Variants in GPHN observed in about 807,000 individuals in gnomAD.
GPHN encodes the protein gephyrin.
In GPHN, 17 loss-of-function variants were observed where a neutral mutation model predicts 95.5. That is an observed-to-expected ratio of 0.18 (90% CI 0.12 to 0.27). The LOEUF (loss-of-function observed/expected upper bound fraction) is 0.27, where lower values mean the gene tolerates loss of function less well. Ranked by LOEUF, GPHN falls within the 10% of genes least tolerant of loss-of-function variation. The probability of loss-of-function intolerance (pLI) is 1.00; values close to 1 mark genes in which losing one functional copy is unlikely to be tolerated. For synonymous variants in GPHN, 320 were observed against 322.5 expected (o/e 0.99, Z 0.08); for missense variants, 660 against 978.1 (o/e 0.67, Z 4.34).
the GPHN span, among the ~76,000 whole-genome samples, chr14:67,460,024 T>C: frequency 2.6e-5 from 4 of 152,348 alleles, no homozygotes; most frequent in South Asian, 6.2e-4. Flanking sequence ...AGCAAGTATG[T>C]TGTCTATTTT....
Position 67,138,685 on chromosome 14 carries a change from G to A in GPHN, c.1749-4677G>A, listed in dbSNP as rs191598572. 1.8e-4 allele frequency among the ~76,000 whole-genome samples: 28 copies of A among 152,164 alleles called. No individual in the cohort carries two copies. In the East Asian group the frequency reaches 5.0e-3, roughly 27 times the overall value. Reference sequence around the variant, plus strand: ...GAAATGTTTTATAATTTAAAATATAGCATGAATCATAAAAAAGAAAGCAAA... The same window carrying A: ...GAAATGTTTTATAATTTAAAATATAACATGAATCATAAAAAAGAAAGCAAA... On this transcript the variant is annotated intron_variant, in intron 17 of 22. Coordinates refer to ENST00000478722, the MANE Select transcript of GPHN (RefSeq NM_020806.5).
chr14:66,644,429 A>G (rs776478507), intron 1 of GPHN, among the ~76,000 whole-genome samples: 18 of 152,074 alleles, frequency 1.2e-4, no homozygotes, highest in East Asian at 7.7e-4. Context: ...ACCTTTATCT[A>G]TGCCACCCAC....
intron 10 of GPHN, among the ~76,000 whole-genome samples, chr14:67,052,431 G>A (rs904162413): frequency 4.0e-5 from 6 of 151,852 alleles, no homozygotes; most frequent in Middle Eastern, 3.2e-3. Flanking sequence ...AAATATACAG[G>A]AGGACCTAGA....
intron 5 of GPHN, among the ~76,000 whole-genome samples, chr14:66,881,059 A>G (rs190061718): frequency 6.6e-6 from 1 of 152,100 alleles, no homozygotes; most frequent in East Asian, 1.9e-4. Flanking sequence ...TCCATTGACT[A>G]TTATGGAATA....
At chr14:67,729,128 A>G in the GPHN span, 1 of 1,524,482 alleles carries the variant, frequency 6.6e-7, no homozygotes, top group East Asian at 2.2e-5. Flanking sequence ...TTGCTGCAGG[A>G]GATAAGCTGT....
At chr14:66,957,989 G>T (rs2068646296) in intron 8 of GPHN, among the ~76,000 whole-genome samples, 1 of 152,108 alleles carries the variant, frequency 6.6e-6, no homozygotes, top group South Asian at 2.1e-4. Context: ...CCAACCCCCA[G>T]TCCGTAGAAA....
chr14:67,569,284 G>T, the GPHN span: 1 of 1,154,830 alleles, frequency 8.7e-7, no homozygotes. Flanking sequence ...GCGGGGAGGA[G>T]AAGACTCCAA....
intron 1 of GPHN, among the ~76,000 whole-genome samples, chr14:66,535,151 T>C (rs963421686): frequency 5.9e-5 from 9 of 152,130 alleles, no homozygotes; most frequent in African/African-American, 2.2e-4. Context: ...TCAAATTATC[T>C]TATAATGAAT....
At chr14:67,361,191 CA>C in the GPHN span, among the ~76,000 whole-genome samples, 4 of 152,206 alleles carry the variant, frequency 2.6e-5, no homozygotes, top group African/African-American at 9.7e-5. Context: ...TCTTTATCCT[CA>C]AAACTTAGGC....
intron 9 of GPHN, among the ~76,000 whole-genome samples, chr14:67,003,797 C>T (rs2072410093): frequency 6.6e-6 from 1 of 151,686 alleles, no homozygotes; most frequent in Admixed American, 6.6e-5. Flanking sequence ...ATTCTTTATT[C>T]ATTTGTTAAG....
the GPHN span, among the ~76,000 whole-genome samples, chr14:67,324,510 A>G: frequency 3.3e-5 from 5 of 151,970 alleles, no homozygotes; most frequent in Admixed American, 6.6e-5. Flanking sequence ...ATGCCTTTAA[A>G]TCTCCTTAAA....
At chr14:67,629,027 C>T in the GPHN span, among the ~76,000 whole-genome samples, 3 of 152,118 alleles carry the variant, frequency 2.0e-5, no homozygotes, top group Admixed American at 6.6e-5. Flanking sequence ...ATATAATGGA[C>T]TATCATTCAT....
chr14:66,853,447 TATAAAG>T (rs1398269948), intron 4 of GPHN, among the ~76,000 whole-genome samples: 4 of 152,308 alleles, frequency 2.6e-5, no homozygotes, highest in Admixed American at 2.0e-4. Context: ...CTGGGTAACT[TATAAAG>T]GAAAGATGTT....
intron 2 of GPHN, among the ~76,000 whole-genome samples, chr14:66,698,956 T>G (rs529918151): frequency 1.3e-5 from 2 of 152,368 alleles, no homozygotes; most frequent in South Asian, 2.1e-4. Flanking sequence ...GCATTTTGAC[T>G]GTCTTTACAG....
At chr14:67,031,579 T>C (rs1162229773) in intron 10 of GPHN, among the ~76,000 whole-genome samples, 1 of 152,184 alleles carries the variant, frequency 6.6e-6, no homozygotes, top group African/African-American at 2.4e-5. Flanking sequence ...TATATCCTTA[T>C]GTAGTTTATT....
At chr14:67,211,310 CA>C in the GPHN span, among the ~76,000 whole-genome samples, 155 of 151,662 alleles carry the variant, frequency 1.0e-3, 1 homozygote, top group Non-Finnish European at 2.1e-3. Flanking sequence ...GCAAACTGAA[CA>C]AAAAAAACCT....
the GPHN span, among the ~76,000 whole-genome samples, chr14:67,214,342 A>G: frequency 1.7e-3 from 255 of 152,238 alleles, no homozygotes; most frequent in African/African-American, 5.8e-3. Flanking sequence ...TAATTTTTGT[A>G]TAAGGTGTAA....
the GPHN span, chr14:67,578,160 G>A: frequency 1.9e-6 from 3 of 1,613,854 alleles, no homozygotes; most frequent in African/African-American, 4.0e-5. The surrounding 1 kb of genome is among the most constrained non-coding windows in gnomAD (Gnocchi z 5.0). Flanking sequence ...TCATGAAGCA[G>A]ACCAGCTGCC....
chr14:67,440,514 AC>A, the GPHN span, among the ~76,000 whole-genome samples: 1 of 151,982 alleles, frequency 6.6e-6, no homozygotes, highest in Non-Finnish European at 1.5e-5. Flanking sequence ...TAATCCCGGC[AC>A]CCGAGGTGGC....
Sources: allele counts gnomAD v4.1 joint callset (sites outside exome capture counted in the v4.1 genomes callset), GRCh38; gene constraint gnomAD v4.1.1; non-coding constraint Gnocchi (gnomAD v3.1); transcripts MANE v1.5; gene names NCBI Gene and HGNC (gene_info 2026-07-23, HGNC 2026-07-21).